Variants in TRDMT1 observed in about 807,000 individuals in gnomAD.
TRDMT1 encodes the protein tRNA aspartic acid methyltransferase 1, also known as tRNA (cytosine(38)-C(5))-methyltransferase.
A neutral mutation model predicts 51.2 loss-of-function variants in TRDMT1; 49 were observed. That is an observed-to-expected ratio of 0.96 (90% CI 0.76 to 1.21). The LOEUF (loss-of-function observed/expected upper bound fraction) is 1.21, where lower values mean the gene tolerates loss of function less well. Among genes scored for constraint, TRDMT1 ranks in the 50% most tolerant of loss-of-function variants. The probability of loss-of-function intolerance (pLI) is 0.00; values close to 1 mark genes in which losing one functional copy is unlikely to be tolerated. For missense variants in TRDMT1, 534 were observed against 462.3 expected (o/e 1.16, Z -1.42); for synonymous variants, 187 against 164.6 (o/e 1.14, Z -1.04).
chr10:17,201,334 G>A, intron 1 of TRDMT1: 3 of 504,340 alleles, frequency 5.9e-6, no homozygotes, highest in Non-Finnish European at 1.0e-5. Context: ...TGGGCCCTTT[G>A]AGGCGCCATG....
chr10:17,166,124 G>A lies in TRDMT1; in HGVS notation c.251+2717C>T, dbSNP rs557488529. Among the ~76,000 whole-genome samples, 475 of 152,126 alleles carry A rather than the reference G, an allele frequency of 3.1e-3. 2 individuals are homozygous for A. Among genetic ancestry groups the A allele is most frequent in the African/African-American group, 0.011 (445 of 41,510 alleles). On this transcript the variant is annotated intron_variant, in intron 3 of 10. Coordinates refer to ENST00000377799, the MANE Select transcript of TRDMT1 (RefSeq NM_004412.7). ...TAGCAAAGACTTGGAACCAACCCAA[G>A]TGTCCAACAATGATAGACTAGATTA...
intron 1 of TRDMT1, among the ~76,000 whole-genome samples, chr10:17,189,942 C>A (rs779445215): frequency 6.6e-6 from 1 of 152,020 alleles, no homozygotes; most frequent in Non-Finnish European, 1.5e-5. Context: ...GAACAAAAAT[C>A]AGTAATGGAT....
Position 17,140,037 on chromosome 10 carries a change from CTTTTTTTTTTT to C in TRDMT1, c.*8992_*9002del, listed in dbSNP as rs758336473. 4.6e-5 allele frequency among the ~76,000 whole-genome samples: 1 copy of C among 21,914 alleles called. No individual in the cohort carries two copies. The highest frequency in any genetic ancestry group is 2.2e-3 in the South Asian group (1 of 458). 14.4% of individuals were successfully genotyped at this position (21,914 alleles called of 152,430 possible). Reference sequence around the variant, plus strand: ...TATTCTTCCAGTAACATCTAGTGTGCTTTTTTTTTTTTTTTTTTTTTTTTTTGAGACAGAGT... The same window carrying C: ...TATTCTTCCAGTAACATCTAGTGTGCTTTTTTTTTTTTTTTGAGACAGAGT... On this transcript the variant is annotated 3_prime_UTR_variant, in exon 11 of 11. Transcript: ENST00000377799.
rs1404231357 is a variant in TRDMT1, at chr10:17,145,632, T to C, written c.*3408A>G. The C allele has an allele frequency of 7.1e-6, 7 of 985,288 alleles. No homozygotes were observed. Among genetic ancestry groups the C allele is most frequent in the Non-Finnish European group, 8.4e-6 (7 of 829,918 alleles). 61.0% of individuals were successfully genotyped at this position (985,288 alleles called of 1,614,324 possible). A position where few individuals can be genotyped will look rare whatever the true frequency, so the allele number is the denominator to read the frequency against. On this transcript the variant is annotated 3_prime_UTR_variant, in exon 11 of 11. Transcript: ENST00000377799. ...ATGACAAGGTAACCTGTTCATAACA[T>C]AAGCAATTCAGGAAAACCCACTTTA... is the stretch of plus-strand genomic sequence containing the variant.
intron 3 of TRDMT1, among the ~76,000 whole-genome samples, chr10:17,164,456 C>A (rs1840876445): frequency 6.6e-6 from 1 of 152,152 alleles, no homozygotes; most frequent in African/African-American, 2.4e-5. Flanking sequence ...TGAAAACTGG[C>A]ACAAGACAGG....
chr10:17,194,339 G>C (rs1364095251), intron 1 of TRDMT1, among the ~76,000 whole-genome samples: 1 of 152,148 alleles, frequency 6.6e-6, no homozygotes, highest in Non-Finnish European at 1.5e-5. Flanking sequence ...CTTCGGCACA[G>C]CTAAAGAAAC....
intron 1 of TRDMT1, among the ~76,000 whole-genome samples, chr10:17,201,071 A>T (rs1272627432): frequency 6.6e-6 from 1 of 152,156 alleles, no homozygotes; most frequent in African/African-American, 2.4e-5. Context: ...AGCTTCCTCT[A>T]CCATCCTATT....
At chr10:17,198,715 G>T (rs543705441) in intron 1 of TRDMT1, among the ~76,000 whole-genome samples, 1 of 152,138 alleles carries the variant, frequency 6.6e-6, no homozygotes, top group Non-Finnish European at 1.5e-5. Context: ...TTTTAGAAAT[G>T]AACAAGGGTG....
intron 1 of TRDMT1, among the ~76,000 whole-genome samples, chr10:17,176,461 T>C (rs972159087): frequency 2.6e-5 from 4 of 152,178 alleles, no homozygotes; most frequent in Admixed American, 1.3e-4. Flanking sequence ...GCCAAATGAG[T>C]ATTTCATATG....
At chr10:17,150,390 GT>G in intron 10 of TRDMT1, 1 of 985,288 alleles carries the variant, frequency 1.0e-6, no homozygotes, top group Non-Finnish European at 1.2e-6. Flanking sequence ...CCCCACGGGT[GT>G]TTTTACACTC....
Position 17,153,518 on chromosome 10 carries a change from G to A in TRDMT1, c.1064C>T (p.Pro355Leu). ...CGTATCCCACATACCGAACTCTGGAGGAAATCCAAGGAGATTTGCTATTTC... is the reference window on the plus strand; with the variant it reads ...CGTATCCCACATACCGAACTCTGGAAGAAATCCAAGGAGATTTGCTATTTC... ...PKEIANLLGF[P>L]PEFGFPEKIT... is the part of the protein sequence containing the mutation. Residue 355 changes from proline to leucine, a missense_variant, in exon 10 of 11, where the codon CCT becomes CTT. Transcript: ENST00000377799. 6.2e-7 allele frequency: 1 copy of A among 1,614,014 alleles called. No homozygotes were observed. The highest frequency in any genetic ancestry group is 8.5e-7 in the Non-Finnish European group (1 of 1,179,958).
chr10:17,178,705 A>G (rs557928903), intron 1 of TRDMT1, among the ~76,000 whole-genome samples: 1 of 151,558 alleles, frequency 6.6e-6, no homozygotes, highest in South Asian at 2.1e-4. Context: ...AAGTTCTTGC[A>G]TTTTAAAAAT....
chr10:17,172,824 G>C (rs926189931), intron 2 of TRDMT1, among the ~76,000 whole-genome samples: 1 of 152,136 alleles, frequency 6.6e-6, no homozygotes, highest in African/African-American at 2.4e-5. Context: ...GCAGTAAAGT[G>C]CAAGACAAAA....
In TRDMT1 at chr10:17,153,494, G is replaced by T. The variant is rs374534281; in HGVS notation, c.1075+13C>A. On this transcript the variant is annotated intron_variant, in intron 10 of 10. Coordinates refer to ENST00000377799, the MANE Select transcript of TRDMT1 (RefSeq NM_004412.7). ...AATACATGAAAGCTGAATTCTGCAC[G>T]TATCCCACATACCGAACTCTGGAGG... 6.2e-7 allele frequency: 1 copy of T among 1,613,464 alleles called. No homozygotes were observed. Among genetic ancestry groups the T allele is most frequent in the Admixed American group, 1.7e-5 (1 of 59,884 alleles).
chr10:17,151,563 A>C (rs1838742979), intron 10 of TRDMT1: 2 of 985,548 alleles, frequency 2.0e-6, no homozygotes, highest in Non-Finnish European at 2.4e-6. Context: ...TGGTGACATC[A>C]GGGTAAGCTC....
intron 1 of TRDMT1, among the ~76,000 whole-genome samples, chr10:17,177,180 T>TTTTATTTATTTATTTAATTA (rs1842722179): frequency 1.4e-5 from 2 of 141,496 alleles, no homozygotes; most frequent in Non-Finnish European, 3.0e-5. Flanking sequence ...AACACATTTA[T>TTTTATTTATTTATTTAATTA]TTTATTTATT....
chr10:17,146,580 A>G lies in TRDMT1; in HGVS notation c.*2460T>C. ...TGAAGCAGGGTAATAAATACCTTAC[A>G]ATTATCTGGCAAGCCGTTTAAAAGA... On this transcript the variant is annotated 3_prime_UTR_variant, in exon 11 of 11. Coordinates refer to ENST00000377799, the MANE Select transcript of TRDMT1 (RefSeq NM_004412.7). The G allele has an allele frequency of 3.0e-6, 3 of 985,314 alleles. No homozygotes were observed. Among genetic ancestry groups the G allele is most frequent in the Non-Finnish European group, 3.6e-6 (3 of 829,810 alleles). The allele number at this position is 985,314 out of a possible 1,614,324, so 61.0% of individuals were successfully genotyped here. A position where few individuals can be genotyped will look rare whatever the true frequency, so the allele number is the denominator to read the frequency against.
Position 17,138,010 on chromosome 10 carries a change from A to C in TRDMT1, c.*11030T>G, listed in dbSNP as rs1030277998. On this transcript the variant is annotated 3_prime_UTR_variant, in exon 11 of 11. Transcript: ENST00000377799. ...TCTTGAGTGCAATAATCCTTATGTG[A>C]TATTTCTGCTAGGCCAGCTGAATTT... Among the ~76,000 whole-genome samples, 2 of 152,132 alleles carry C rather than the reference A, an allele frequency of 1.3e-5. No homozygotes were observed. Among genetic ancestry groups the C allele is most frequent in the Non-Finnish European group, 2.9e-5 (2 of 68,026 alleles).
chr10:17,199,770 G>C (rs1450021364), intron 1 of TRDMT1, among the ~76,000 whole-genome samples: 3 of 152,196 alleles, frequency 2.0e-5, no homozygotes, highest in Non-Finnish European at 4.4e-5. Flanking sequence ...TGGAAGTAAG[G>C]AGAGAAGCTG....
Sources: allele counts gnomAD v4.1 joint callset (sites outside exome capture counted in the v4.1 genomes callset), GRCh38; gene constraint gnomAD v4.1.1; transcripts MANE v1.5; gene names NCBI Gene and HGNC (gene_info 2026-07-23, HGNC 2026-07-21).